RPL14: variants seen among roughly 807,000 people sequenced by gnomAD.
The protein encoded by RPL14 is ribosomal protein L14, also known as large ribosomal subunit protein eL14.
Under a neutral mutation model 25.3 loss-of-function variants are expected in RPL14, and 4 were observed. The ratio of observed to expected loss-of-function variants is 0.16; its 90% CI spans 0.08 to 0.36. The LOEUF is 0.36. Ranked by LOEUF, RPL14 falls within the 10% of genes least tolerant of loss-of-function variation. The pLI is 1.00. For missense variants in RPL14, 212 were observed against 261.9 expected (o/e 0.81, Z 1.31); for synonymous variants, 75 against 89.8 (o/e 0.84, Z 0.93).
In RPL14 at chr3:40,462,088, C is replaced by T. The variant is rs758426060; in HGVS notation, c.504C>T (p.Ala168=). Residue 168 remains alanine (A), a synonymous_variant, in exon 6 of 6, where the codon GCC becomes GCT. Transcript: ENST00000396203. The stretch of plus-strand genomic sequence containing the variant: ...AAGTTCCAGCAAAAAAGATCACCGC[C>T]GCGAGTAAAAAGGCTCCAGCCCAGA... ...AAKVPAKKIT[A]ASKKAPAQKV... is the part of the protein sequence containing the mutation. 9.4e-5 allele frequency: 150 copies of T among 1,593,476 alleles called. No individual in the cohort carries two copies. Among genetic ancestry groups the T allele is most frequent in the Middle Eastern group, 1.7e-4 (1 of 6,014 alleles).
rs1460448470 is a variant in RPL14 at position 40,465,290 on chromosome 3, AG to A, written c.*3059del. On this transcript the variant is annotated 3_prime_UTR_variant, in exon 6 of 6. Transcript: ENST00000396203. ...AGGGGAAGAGGGTAGTAAGCAAAGG[AG>A]AAATGTTATATGGGGTTCGGAGGTT... 6.6e-6 allele frequency: 1 copy of A among 152,150 alleles called. No homozygotes were observed. Among genetic ancestry groups the A allele is most frequent in the African/African-American group, 2.4e-5 (1 of 41,412 alleles). The allele number at this position is 152,150 out of a possible 1,614,324, so 9.4% of individuals were successfully genotyped here.
Position 40,461,983 on chromosome 3 carries a change from A to T in RPL14, c.399A>T (p.Ala133=), listed in dbSNP as rs1252105056. 6.2e-7 allele frequency: 1 copy of T among 1,605,288 alleles called. No individual in the cohort carries two copies. ...IKNEVKKLQK[A]ALLKASPKKA... ...ATGAAGTTAAGAAGCTTCAAAAGGC[A>T]GCTCTCCTGAAAGCTTCTCCCAAAA... Residue 133 remains alanine (A), a synonymous_variant, in exon 6 of 6, where the codon GCA becomes GCT. Transcript: ENST00000396203.
chr3:40,458,809 A>C (rs1210597447), intron 3 of RPL14, 73 bp downstream of exon 3: 7 of 1,157,446 alleles, frequency 6.0e-6, no homozygotes, highest in Non-Finnish European at 7.8e-6. Context: ...GTTTTGGAGT[A>C]AACAATACGG....
rs1394288364 is a variant in RPL14 at position 40,463,012 on chromosome 3, G to A, written c.*780G>A. ...CGATCTCAGCTCCCTCCACCTTCCG[G>A]GTTCAAGTGATTCTCCTGCCTTGGC... On this transcript the variant is annotated 3_prime_UTR_variant, in exon 6 of 6. Transcript: ENST00000396203. 1 of 151,510 alleles carries A rather than the reference G, an allele frequency of 6.6e-6. No individual in the cohort carries two copies. The highest frequency in any genetic ancestry group is 2.4e-5 in the African/African-American group (1 of 41,188). The allele number at this position is 151,510 out of a possible 1,614,324, so 9.4% of individuals were successfully genotyped here.
chr3:40,467,470 T>G lies in RPL14; in HGVS notation c.*5238T>G, dbSNP rs1697043721. 1 of 152,388 alleles carries G rather than the reference T, an allele frequency of 6.6e-6. No homozygotes were observed. Among genetic ancestry groups the G allele is most frequent in the East Asian group, 1.9e-4 (1 of 5,188 alleles). The allele number at this position is 152,388 out of a possible 1,614,324, so 9.4% of individuals were successfully genotyped here. A position where few individuals can be genotyped will look rare whatever the true frequency, so the allele number is the denominator to read the frequency against. The stretch of plus-strand genomic sequence containing the variant: ...GGCAGGAGAGGATGGGTTTCCCAGA[T>G]TAAAAAAGCAAATTCACGCTTCCTC... On this transcript the variant is annotated 3_prime_UTR_variant, in exon 6 of 6. Transcript: ENST00000396203.
Position 40,461,465 on chromosome 3 carries a change from G to T in RPL14, c.259G>T (p.Ala87Ser). Residue 87 changes from alanine (A) to serine (S), a missense_variant, in exon 4 of 6, where the codon GCA (alanine) becomes TCA (serine). This residue lies in a region of RPL14 where 143 missense variants were observed against 180.3 expected (regional missense o/e 0.79). Coordinates refer to ENST00000396203, the MANE Select transcript of RPL14 (RefSeq NM_001034996.3). ...WQKADINTKW[A>S]ATRWAKKIEA... ...GAAGGCAGACATCAATACAAAATGG[G>T]CAGCCACACGATGGGCCAAGAAGAT... 1.2e-6 allele frequency: 2 copies of T among 1,614,118 alleles called. 1 individual carries two copies. The highest frequency in any genetic ancestry group is 2.2e-5 in the South Asian group (2 of 91,070).
Position 40,462,259 on chromosome 3 carries a change from TTCTTTTTG to T in RPL14, c.*28_*35del. ...TGGCAATCATAAAAAGTAATAAAGG[TTCTTTTTG>T]ACCTGTTGACAAATGTATTTAAGCC... On this transcript the variant is annotated 3_prime_UTR_variant, in exon 6 of 6. Coordinates refer to ENST00000396203, the MANE Select transcript of RPL14 (RefSeq NM_001034996.3). 2 of 1,560,798 alleles carry T rather than the reference TTCTTTTTG, an allele frequency of 1.3e-6. No homozygotes were observed. Among genetic ancestry groups the T allele is most frequent in the Non-Finnish European group, 1.7e-6 (2 of 1,158,610 alleles).
At chr3:40,461,341 A>G (rs1696933914) in intron 3 of RPL14, 66 bp from the exon 4 acceptor site, 3 of 1,323,020 alleles carry the variant, frequency 2.3e-6, no homozygotes, top group Non-Finnish European at 3.3e-6. Flanking sequence ...AGGAACAAAG[A>G]AAGTGTCTTT....
rs1396986820 is a variant in RPL14, at chr3:40,465,284, C to G, written c.*3052C>G. The G allele has an allele frequency of 6.6e-6, 1 of 152,028 alleles. No individual in the cohort carries two copies. Among genetic ancestry groups the G allele is most frequent in the Non-Finnish European group, 1.5e-5 (1 of 68,048 alleles). The allele number at this position is 152,028 out of a possible 1,614,324, so 9.4% of individuals were successfully genotyped here. On this transcript the variant is annotated 3_prime_UTR_variant, in exon 6 of 6. Coordinates refer to ENST00000396203, the MANE Select transcript of RPL14 (RefSeq NM_001034996.3). ...AAAGTGAGGGGAAGAGGGTAGTAAG[C>G]AAAGGAGAAATGTTATATGGGGTTC...
intron 1 of RPL14, 180 bp from the exon 2 acceptor site, chr3:40,457,709 CT>C (rs1171342390): frequency 1.5e-6 from 1 of 675,450 alleles, no homozygotes; most frequent in Non-Finnish European, 2.5e-6. Flanking sequence ...GGGAACCGGG[CT>C]TAAGCTACTG....
At position 40,458,839 on chromosome 3, in the gene RPL14, A is replaced by T. The variant is rs1019170959; in HGVS notation, c.200+103A>T. 5.8e-6 allele frequency: 5 copies of T among 855,282 alleles called. No individual in the cohort carries two copies. The African/African-American group carries it at 6.6e-5, about 11-fold the overall frequency. The allele number at this position is 855,282 out of a possible 1,614,324, so 53.0% of individuals were successfully genotyped here. A position where few individuals can be genotyped will look rare whatever the true frequency, so the allele number is the denominator to read the frequency against. On this transcript the variant is annotated intron_variant, in intron 3 of 5. Coordinates refer to ENST00000396203, the MANE Select transcript of RPL14 (RefSeq NM_001034996.3). Reference sequence around the variant, plus strand: ...ATACGGAAGATTCAGAGCCATCCTGAAGAGGGATTTGCATCATAGAAGTAG... The same window carrying T: ...ATACGGAAGATTCAGAGCCATCCTGTAGAGGGATTTGCATCATAGAAGTAG...
chr3:40,459,885 C>G (rs936578022), intron 3 of RPL14, among the ~76,000 whole-genome samples: 4 of 91,236 alleles, frequency 4.4e-5, no homozygotes, highest in African/African-American at 1.3e-4. Context: ...AAAAAACTTA[C>G]TGTATGCTGA....
chr3:40,458,039 G>A (rs926558374), intron 2 of RPL14, 48 bp downstream of exon 2: 5 of 1,465,964 alleles, frequency 3.4e-6, no homozygotes, highest in African/African-American at 2.8e-5. Context: ...CATGTGCCCT[G>A]CAGATGGCAA....
rs755588932 is a variant in RPL14 at position 40,466,073 on chromosome 3, C to T, written c.*3841C>T. On this transcript the variant is annotated 3_prime_UTR_variant, in exon 6 of 6. Transcript: ENST00000396203. Reference sequence around the variant, plus strand: ...AGGCATGGTGGAGCATGCCTGTAATCCCAGCTACTTGGGAGGCTGAGGCGG... The same window carrying T: ...AGGCATGGTGGAGCATGCCTGTAATTCCAGCTACTTGGGAGGCTGAGGCGG... The T allele has an allele frequency of 6.6e-6, 1 of 152,170 alleles. No individual in the cohort carries two copies. The highest frequency in any genetic ancestry group is 2.4e-5 in the African/African-American group (1 of 41,408). 9.4% of individuals were successfully genotyped at this position (152,170 alleles called of 1,614,324 possible).
chr3:40,458,284 A>G (rs540652894), intron 2 of RPL14: 41 of 529,522 alleles, frequency 7.7e-5, no homozygotes, highest in East Asian at 7.5e-4. Flanking sequence ...GCACGTAGAA[A>G]GCACTTTTGT....
At chr3:40,461,194 C>CA (rs373793705) in intron 3 of RPL14, among the ~76,000 whole-genome samples, 4,383 of 138,808 alleles carry the variant, frequency 0.032, 186 homozygotes, top group African/African-American at 0.11. Context: ...GATCCTCTCT[C>CA]AAAAAAAAAA....
In RPL14 at chr3:40,466,975, G is replaced by C. The variant is rs1186279003; in HGVS notation, c.*4743G>C. 1 of 151,528 alleles carries C rather than the reference G, an allele frequency of 6.6e-6. No individual in the cohort carries two copies. Among genetic ancestry groups the C allele is most frequent in the Non-Finnish European group, 1.5e-5 (1 of 67,926 alleles). 9.4% of individuals were successfully genotyped at this position (151,528 alleles called of 1,614,324 possible). Reference sequence around the variant, plus strand: ...CTAGCTGATTTTTTTTTTTAATCTAGGCTAAATCATGAATACATTTACATT... The same window carrying C: ...CTAGCTGATTTTTTTTTTTAATCTACGCTAAATCATGAATACATTTACATT... On this transcript the variant is annotated 3_prime_UTR_variant, in exon 6 of 6. Coordinates refer to ENST00000396203, the MANE Select transcript of RPL14 (RefSeq NM_001034996.3).
At chr3:40,460,277 C>T (rs1053363798) in intron 3 of RPL14, among the ~76,000 whole-genome samples, 1 of 152,006 alleles carries the variant, frequency 6.6e-6, no homozygotes, top group Non-Finnish European at 1.5e-5. Context: ...CCTGTAATCT[C>T]AGCACTCTGG....
intron 3 of RPL14, among the ~76,000 whole-genome samples, chr3:40,460,461 T>C (rs1217976934): frequency 6.6e-6 from 1 of 151,572 alleles, no homozygotes; most frequent in East Asian, 1.9e-4. Flanking sequence ...GAGGTCACAG[T>C]GAGCCAACGT....
Sources: allele counts gnomAD v4.1 joint callset (sites outside exome capture counted in the v4.1 genomes callset), GRCh38; gene constraint gnomAD v4.1.1; regional missense constraint gnomAD v4.1.1; transcripts MANE v1.5; gene names NCBI Gene and HGNC (gene_info 2026-07-23, HGNC 2026-07-21).